The following ARGFX variants were observed in gnomAD, a reference collection of about 807,000 sequenced individuals.
The protein encoded by ARGFX is arginine-fifty homeobox.
In ARGFX, 10 loss-of-function variants were observed where a neutral mutation model predicts 8.0. The ratio of observed to expected loss-of-function variants is 1.25; its 90% confidence interval spans 0.77 to 2.12. The LOEUF (loss-of-function observed/expected upper bound fraction) is 2.12, where lower values mean the gene tolerates loss of function less well. Ranked by LOEUF, ARGFX falls within the 30% of genes most tolerant of loss-of-function variation. The probability of loss-of-function intolerance (pLI) is 0.00; values close to 1 mark genes in which losing one functional copy is unlikely to be tolerated. For missense variants in ARGFX, 282 were observed against 324.3 expected, an observed-to-expected ratio of 0.87 and a Z score of 1.00; for synonymous variants, 116 against 117.8, an observed-to-expected ratio of 0.98 and a Z score of 0.10.
chr3:121,584,668 A>G (rs926208604), intron 3 of ARGFX, among the ~76,000 whole-genome samples: 1 of 152,200 alleles, frequency 6.6e-6, no homozygotes, highest in Non-Finnish European at 1.5e-5. Flanking sequence ...GTACACAGAA[A>G]ATTGAAGAGG....
Position 121,588,760 on chromosome 3 carries a change from T to C in ARGFX, c.*2160T>C, listed in dbSNP as rs916551463. Among the ~76,000 whole-genome samples the C allele has an allele frequency of 9.6e-6, 1 of 104,290 alleles. No homozygotes were observed. The highest frequency in any genetic ancestry group is 3.8e-5 in the African/African-American group (1 of 26,154). The allele number at this position is 104,290 out of a possible 152,430, so 68.4% of individuals were successfully genotyped here. On this transcript the variant is annotated 3_prime_UTR_variant, in exon 5 of 5. Transcript: ENST00000334384. The stretch of plus-strand genomic sequence containing the variant: ...GGTGAAATCCTGCCTCTACTAAAAA[T>C]ACAAAAAAAAAAAAAAATTAGCTGG...
chr3:121,576,873 T>G lies in ARGFX; in HGVS notation c.193T>G (p.Ser65Ala), dbSNP rs2048741547. Reference sequence around the variant, plus strand: ...CCCAGGTTCAACTGATCCTCCCACCTCAGCCTCCCGAGTAGCTGCGACTAC... The same window carrying G: ...CCCAGGTTCAACTGATCCTCCCACCGCAGCCTCCCGAGTAGCTGCGACTAC... Reference protein sequence around the residue: ...NLPGSTDPPTSASRVAATTAI... With the variant: ...NLPGSTDPPTAASRVAATTAI... The change falls in exon 3 of 5, where the codon TCA becomes GCA. Residue 65 changes from serine to alanine, a missense_variant. Transcript: ENST00000334384. 2.6e-6 allele frequency: 1 copy of G among 391,078 alleles called. No homozygotes were observed. The highest frequency in any genetic ancestry group is 5.0e-6 in the Non-Finnish European group (1 of 200,964). 24.2% of individuals were successfully genotyped at this position (391,078 alleles called of 1,614,324 possible).
chr3:121,573,848 C>CAAAAAAAAAAAAAAA, intron 2 of ARGFX, among the ~76,000 whole-genome samples: 1 of 59,032 alleles, frequency 1.7e-5, no homozygotes, highest in African/African-American at 7.0e-5. Context: ...AACTCCATCT[C>CAAAAAAAAAAAAAAA]AAAAAAAAAA....
chr3:121,576,727 C>CTTTT, intron 2 of ARGFX, 57 bp from the exon 3 acceptor site: 1 of 315,326 alleles, frequency 3.2e-6, no homozygotes, highest in Non-Finnish European at 6.2e-6. Flanking sequence ...TTCTTTCTTT[C>CTTTT]TTTCTTTCTT....
rs2048834306 is a variant in ARGFX, at chr3:121,589,672, G to T, written c.*3072G>T. On this transcript the variant is annotated 3_prime_UTR_variant, in exon 5 of 5. Transcript: ENST00000334384. Reference sequence around the variant, plus strand: ...ATTACAGGTGTGAGCTACCTCACCTGGCCAAAACAGTTTTTTTAGAAATGA... The same window carrying T: ...ATTACAGGTGTGAGCTACCTCACCTTGCCAAAACAGTTTTTTTAGAAATGA... Among the ~76,000 whole-genome samples the T allele has an allele frequency of 6.6e-6, 1 of 152,074 alleles. No homozygotes were observed. The highest frequency in any genetic ancestry group is 1.5e-5 in the Non-Finnish European group (1 of 68,000).
intron 2 of ARGFX, among the ~76,000 whole-genome samples, chr3:121,573,499 T>G (rs977837940): frequency 2.7e-5 from 4 of 147,740 alleles, no homozygotes; most frequent in Non-Finnish European, 6.0e-5. Flanking sequence ...AAAAAAAAAG[T>G]AAAATGGCAA....
rs569909623 is a variant in ARGFX at position 121,590,345 on chromosome 3, C to A, written c.*3745C>A. On this transcript the variant is annotated 3_prime_UTR_variant, in exon 5 of 5. Coordinates refer to ENST00000334384, the MANE Select transcript of ARGFX (RefSeq NM_001012659.2). Reference sequence around the variant, plus strand: ...CCTTTAAGGGTTACTAGGCAGAGCCCCCATGAATGGATTAATGCCATTATT... The same window carrying A: ...CCTTTAAGGGTTACTAGGCAGAGCCACCATGAATGGATTAATGCCATTATT... Among the ~76,000 whole-genome samples, 1 of 152,280 alleles carries A rather than the reference C, an allele frequency of 6.6e-6. No homozygotes were observed. Among genetic ancestry groups the A allele is most frequent in the East Asian group, 1.9e-4 (1 of 5,184 alleles).
At chr3:121,573,848 C>CAAAAAAAAA (rs35593006) in intron 2 of ARGFX, among the ~76,000 whole-genome samples, 1 of 59,030 alleles carries the variant, frequency 1.7e-5, no homozygotes, top group Non-Finnish European at 3.0e-5. Flanking sequence ...AACTCCATCT[C>CAAAAAAAAA]AAAAAAAAAA....
At chr3:121,577,240 T>TCTAC (rs1484103144) in intron 3 of ARGFX, among the ~76,000 whole-genome samples, 2 of 65,852 alleles carry the variant, frequency 3.0e-5, no homozygotes, top group African/African-American at 5.9e-5. Context: ...TATATATATA[T>TCTAC]ATATATATAT....
intron 3 of ARGFX, among the ~76,000 whole-genome samples, chr3:121,584,204 GAGGA>G (rs749567796): frequency 0.17 from 17,739 of 103,522 alleles, 1,586 homozygotes; most frequent in South Asian, 0.2. Context: ...GACAGAGAGA[GAGGA>G]AGGAAGGAAG....
At chr3:121,568,470 G>C (rs1004435449) in intron 1 of ARGFX, among the ~76,000 whole-genome samples, 1 of 152,200 alleles carries the variant, frequency 6.6e-6, no homozygotes. Context: ...TGATAGCCTC[G>C]ATCAGGGAAA....
intron 4 of ARGFX, 30 bp from the exon 5 acceptor site, chr3:121,585,992 C>A: frequency 6.5e-7 from 1 of 1,541,334 alleles, no homozygotes; most frequent in Non-Finnish European, 8.7e-7. Context: ...AATAACAGAC[C>A]ACAATCTCCC....
At chr3:121,584,353 G>T (rs1050438406) in intron 3 of ARGFX, among the ~76,000 whole-genome samples, 2 of 152,054 alleles carry the variant, frequency 1.3e-5, no homozygotes, top group African/African-American at 4.8e-5. Context: ...ACAAATAAAT[G>T]AAGAGAGGAA....
intron 2 of ARGFX, 34 bp from the exon 3 acceptor site, chr3:121,576,749 CT>C (rs2048740307): frequency 1.1e-5 from 2 of 186,920 alleles, no homozygotes; most frequent in Non-Finnish European, 2.1e-5. Flanking sequence ...CTTTCTTTTT[CT>C]CTTTCTTTCT....
chr3:121,580,182 T>C (rs1183332459), intron 3 of ARGFX, among the ~76,000 whole-genome samples: 1 of 151,550 alleles, frequency 6.6e-6, no homozygotes, highest in Non-Finnish European at 1.5e-5. Context: ...TCCAGACTGG[T>C]CTCGAACTCC....
In ARGFX at chr3:121,584,204, G is replaced by GAGGAAGGAAGGAAGGAAGGAAGGA. The variant is rs749567796; in HGVS notation, c.221-671_221-648dup. On this transcript the variant is annotated intron_variant, in intron 3 of 4. Coordinates refer to ENST00000334384, the MANE Select transcript of ARGFX (RefSeq NM_001012659.2). ...AAAAAAAGAGAGAGAGACAGAGAGAGAGGAAGGAAGGAAGGAAGGAAGGAA... is the reference window on the plus strand; with the variant it reads ...AAAAAAAGAGAGAGAGACAGAGAGAGAGGAAGGAAGGAAGGAAGGAAGGAAGGAAGGAAGGAAGGAAGGAAGGAA... Among the ~76,000 whole-genome samples, 13 of 104,312 alleles carry GAGGAAGGAAGGAAGGAAGGAAGGA rather than the reference G, an allele frequency of 1.2e-4. No individual in the cohort carries two copies. In the East Asian group the frequency reaches 1.3e-3, roughly 10 times the overall value. 68.4% of individuals were successfully genotyped at this position (104,312 alleles called of 152,430 possible).
intron 3 of ARGFX, among the ~76,000 whole-genome samples, chr3:121,579,348 A>T (rs949879997): frequency 6.6e-6 from 1 of 152,164 alleles, no homozygotes; most frequent in African/African-American, 2.4e-5. Context: ...TACCAAACTG[A>T]TCTATAGTTT....
intron 1 of ARGFX, among the ~76,000 whole-genome samples, 156 bp from the exon 2 acceptor site, chr3:121,570,546 A>G (rs965021410): frequency 6.6e-6 from 1 of 152,226 alleles, no homozygotes; most frequent in Admixed American, 6.5e-5. Flanking sequence ...TCTCTATGGT[A>G]TAAAATATGA....
At chr3:121,583,489 CAT>C (rs2048792423) in intron 3 of ARGFX, among the ~76,000 whole-genome samples, 2 of 151,456 alleles carry the variant, frequency 1.3e-5, no homozygotes, top group South Asian at 2.1e-4. Context: ...CAGGCTGACA[CAT>C]GATTGTGCAG....
Sources: allele counts gnomAD v4.1 joint callset (sites outside exome capture counted in the v4.1 genomes callset), GRCh38; gene constraint gnomAD v4.1.1; transcripts MANE v1.5; gene names NCBI Gene and HGNC (gene_info 2026-07-23, HGNC 2026-07-21).